The following CDH20 variants were observed in gnomAD, a reference collection of about 807,000 sequenced individuals.
CDH20 encodes cadherin-20.
CDH20 carries 29 observed loss-of-function variants against 74.2 expected under a neutral mutation model. The observed-to-expected ratio is 0.39, with a 90% CI of 0.29 to 0.53. CDH20 has a LOEUF of 0.53. CDH20 is among the 20% of genes least tolerant of loss of function. The pLI, the probability that CDH20 is intolerant of heterozygous loss-of-function variation, is 0.69. For missense variants in CDH20, 988 were observed against 1,048.3 expected, an observed-to-expected ratio of 0.94 and a Z score of 0.79; for synonymous variants, 469 against 405.4, an observed-to-expected ratio of 1.16 and a Z score of -1.88.
intron 1 of CDH20, among the ~76,000 whole-genome samples, chr18:61,486,296 T>C (rs1293366051): frequency 6.6e-6 from 1 of 152,172 alleles, no homozygotes; most frequent in Non-Finnish European, 1.5e-5. Flanking sequence ...AATCCAGAAA[T>C]GTTGAAAGTT....
chr18:61,548,725 T>TG (rs1428881404), intron 10 of CDH20, among the ~76,000 whole-genome samples: 1 of 152,206 alleles, frequency 6.6e-6, no homozygotes, highest in Non-Finnish European at 1.5e-5. Context: ...TCACACCCTG[T>TG]GGTTCTTTCT....
intron 1 of CDH20, among the ~76,000 whole-genome samples, chr18:61,361,718 A>G (rs1434046030): frequency 6.6e-6 from 1 of 152,184 alleles, no homozygotes; most frequent in Admixed American, 6.5e-5. Flanking sequence ...TAAGTCTAAA[A>G]ATAAATTTAA....
At chr18:61,359,940 C>A (rs1910633697) in intron 1 of CDH20, among the ~76,000 whole-genome samples, 1 of 152,184 alleles carries the variant, frequency 6.6e-6, no homozygotes, top group Non-Finnish European at 1.5e-5. Context: ...TGAGCAAAGT[C>A]AACTCTTCCA....
chr18:61,413,970 G>A (rs560037117), intron 1 of CDH20, among the ~76,000 whole-genome samples: 2 of 152,240 alleles, frequency 1.3e-5, no homozygotes, highest in African/African-American at 4.8e-5. Flanking sequence ...ATACACCTCA[G>A]TAGGTCAAGA....
intron 2 of CDH20, among the ~76,000 whole-genome samples, chr18:61,493,523 G>T (rs930911002): frequency 1.3e-5 from 2 of 152,008 alleles, no homozygotes; most frequent in East Asian, 1.9e-4. Flanking sequence ...CTCAAATCAG[G>T]TCCTCATCCC....
chr18:61,534,500 T>C (rs761595037), intron 7 of CDH20, among the ~76,000 whole-genome samples: 5 of 152,198 alleles, frequency 3.3e-5, no homozygotes, highest in Non-Finnish European at 5.9e-5. Context: ...AACAGATGAA[T>C]GGGTAAAAAT....
intron 1 of CDH20, 132 bp from the exon 2 acceptor site, chr18:61,490,270 G>A (rs1910907298): frequency 3.0e-6 from 1 of 335,904 alleles, no homozygotes; most frequent in Non-Finnish European, 5.6e-6. Context: ...CATTTCTAAA[G>A]CAATAACCTG....
chr18:61,389,684 A>G (rs1205606586), intron 1 of CDH20, among the ~76,000 whole-genome samples: 1 of 152,208 alleles, frequency 6.6e-6, no homozygotes, highest in African/African-American at 2.4e-5. Context: ...TTAGTATAGT[A>G]GTATAAATGT....
chr18:61,412,443 T>C (rs11664583), intron 1 of CDH20, among the ~76,000 whole-genome samples: 55,184 of 152,002 alleles, frequency 0.36, 10,442 homozygotes, highest in Middle Eastern at 0.48. Context: ...AAGGGCCACA[T>C]ATCTTGTTAC....
chr18:61,381,334 T>C (rs944521087), intron 1 of CDH20, among the ~76,000 whole-genome samples: 30 of 152,220 alleles, frequency 2.0e-4, no homozygotes, highest in Non-Finnish European at 4.3e-4. Flanking sequence ...TCAGGCATTT[T>C]ACTTGGGTAC....
intron 1 of CDH20, among the ~76,000 whole-genome samples, chr18:61,454,237 T>TA: frequency 1.3e-5 from 2 of 152,336 alleles, no homozygotes; most frequent in South Asian, 4.1e-4. Flanking sequence ...CCAAATCTTT[T>TA]ATCCCGCTCT....
At chr18:61,393,662 G>T (rs1911866521) in intron 1 of CDH20, among the ~76,000 whole-genome samples, 1 of 152,168 alleles carries the variant, frequency 6.6e-6, no homozygotes, top group Admixed American at 6.5e-5. Flanking sequence ...TCAATATTTA[G>T]TCAACAGCTC....
chr18:61,360,455 G>C lies in CDH20; in HGVS notation c.-153+26628G>C, dbSNP rs138666102. 1.7e-3 allele frequency among the ~76,000 whole-genome samples: 253 copies of C among 152,256 alleles called. 2 individuals carry two copies. The highest frequency in any genetic ancestry group is 5.7e-3 in the African/African-American group (236 of 41,540). ...CAATTCCTGCCCTAGAAGTGCTCAG[G>C]GTCTCTTGAATGAGGCATTTGCAAC... On this transcript the variant is annotated intron_variant, in intron 1 of 11. Transcript: ENST00000262717.
intron 1 of CDH20, among the ~76,000 whole-genome samples, chr18:61,340,085 A>C (rs1416303822): frequency 6.6e-6 from 1 of 152,084 alleles, no homozygotes; most frequent in Non-Finnish European, 1.5e-5. Context: ...AGGATAACAA[A>C]AACTTAACTC....
intron 1 of CDH20, among the ~76,000 whole-genome samples, chr18:61,459,018 C>T (rs928462468): frequency 4.9e-4 from 75 of 152,246 alleles, no homozygotes; most frequent in African/African-American, 1.7e-3. Flanking sequence ...CTTTTTAATA[C>T]CATCTAGTTA....
At chr18:61,354,094 T>C (rs1910409223) in intron 1 of CDH20, among the ~76,000 whole-genome samples, 1 of 151,660 alleles carries the variant, frequency 6.6e-6, no homozygotes, top group Non-Finnish European at 1.5e-5. Context: ...TTTCAGTTTC[T>C]CCATCTCATG....
intron 6 of CDH20, among the ~76,000 whole-genome samples, chr18:61,522,639 G>T (rs1912252579): frequency 6.6e-6 from 1 of 152,142 alleles, no homozygotes; most frequent in African/African-American, 2.4e-5. Flanking sequence ...AAAGCTGGAG[G>T]CATCACAGTA....
intron 9 of CDH20, among the ~76,000 whole-genome samples, chr18:61,539,936 G>A (rs993339761): frequency 1.1e-4 from 16 of 152,320 alleles, no homozygotes; most frequent in Middle Eastern, 3.4e-3. Context: ...AATCTTCAGA[G>A]ACATATTTGT....
At chr18:61,536,950 T>C (rs980702321) in intron 8 of CDH20, among the ~76,000 whole-genome samples, 3 of 152,180 alleles carry the variant, frequency 2.0e-5, no homozygotes, top group Admixed American at 6.5e-5. Context: ...TGATTGTGAA[T>C]GTACAAAGAG....
Sources: allele counts gnomAD v4.1 joint callset (sites outside exome capture counted in the v4.1 genomes callset), GRCh38; gene constraint gnomAD v4.1.1; transcripts MANE v1.5; gene names NCBI Gene and HGNC (gene_info 2026-07-23, HGNC 2026-07-21).